Variants in TRAPPC9 observed in about 807,000 individuals in gnomAD.
The protein encoded by TRAPPC9 is trafficking protein particle complex subunit 9, also known as IKK2 binding protein.
A neutral mutation model predicts 124.0 loss-of-function variants in TRAPPC9; 83 were observed. The observed-to-expected ratio is 0.67, with a 90% CI of 0.56 to 0.80. TRAPPC9 has a LOEUF of 0.80. Ranked by LOEUF, TRAPPC9 falls within the 30% of genes least tolerant of loss-of-function variation. The pLI is 0.00. For synonymous variants in TRAPPC9, 638 were observed against 617.5 expected (o/e 1.03, Z -0.49); for missense variants, 1,302 against 1,508.3 (o/e 0.86, Z 2.27).
chr8:139,957,899 C>G (rs1449980027), intron 19 of TRAPPC9, among the ~76,000 whole-genome samples: 3 of 152,244 alleles, frequency 2.0e-5, no homozygotes, highest in African/African-American at 7.2e-5. Context: ...ATCAAACTGA[C>G]GTCGTTTCTG....
chr8:140,264,999 G>A (rs942542431), intron 15 of TRAPPC9, among the ~76,000 whole-genome samples: 18 of 152,202 alleles, frequency 1.2e-4, no homozygotes, highest in African/African-American at 3.4e-4. Flanking sequence ...AATACGAGAC[G>A]CCAAAACCCG....
At chr8:139,857,758 G>C (rs1323490240) in intron 21 of TRAPPC9, among the ~76,000 whole-genome samples, 1 of 152,244 alleles carries the variant, frequency 6.6e-6, no homozygotes, top group Non-Finnish European at 1.5e-5. Context: ...TGGGCTGCCT[G>C]CCAACAGCTG....
At position 140,221,540 on chromosome 8, in the gene TRAPPC9, C is replaced by G. The variant is rs756688439; in HGVS notation, c.2475G>C (p.Arg825=). 1 of 1,614,124 alleles carries G rather than the reference C, an allele frequency of 6.2e-7. No homozygotes were observed. The highest frequency in any genetic ancestry group is 1.1e-5 in the South Asian group (1 of 91,068). Residue 825 remains arginine (R), a synonymous_variant, in exon 17 of 23, where the codon CGG becomes CGC. Transcript: ENST00000438773. The part of the protein sequence containing the change: ...VSGFPLSSPF[R]QVVRPRVEGK... ...CCTCCACTCGGGGCCGAACGACCTGCCGAAAAGGACTGGACAGGGGAAAGC... is the reference window on the plus strand; with the variant it reads ...CCTCCACTCGGGGCCGAACGACCTGGCGAAAAGGACTGGACAGGGGAAAGC...
chr8:140,306,461 C>G (rs2066139185), intron 10 of TRAPPC9, among the ~76,000 whole-genome samples: 3 of 147,948 alleles, frequency 2.0e-5, no homozygotes, highest in South Asian at 4.3e-4. Flanking sequence ...CCACTGCACT[C>G]CAGCCTCAGC....
intron 20 of TRAPPC9, among the ~76,000 whole-genome samples, chr8:139,895,671 A>G (rs1830624152): frequency 6.6e-6 from 1 of 152,248 alleles, no homozygotes; most frequent in Non-Finnish European, 1.5e-5. Flanking sequence ...ACACAGCTGC[A>G]CTTGAGTGTG....
chr8:140,360,283 A>G (rs2067910393), intron 8 of TRAPPC9, 90 bp from the exon 9 acceptor site: 3 of 1,535,372 alleles, frequency 2.0e-6, no homozygotes, highest in African/African-American at 1.4e-5. Flanking sequence ...GGCAATTTGA[A>G]GACAGATGCC....
At chr8:139,956,147 G>C (rs1158083406) in intron 19 of TRAPPC9, among the ~76,000 whole-genome samples, 2 of 152,040 alleles carry the variant, frequency 1.3e-5, no homozygotes, top group Non-Finnish European at 2.9e-5. Flanking sequence ...CCCTACATGG[G>C]ATGTTGTTTC....
rs1808752836 is a variant in TRAPPC9 at position 140,451,389 on chromosome 8, CAG to C, written c.-10-8_-10-7del. ...GGACGCTCATTTTGAAGTCCCTGTT[CAG>C]AGAGAAGAAATGAGGCTGTGAGACA... On this transcript the variant is annotated splice_polypyrimidine_tract_variant and splice_region_variant and intron_variant, in intron 1 of 22. Transcript: ENST00000438773. The C allele has an allele frequency of 6.3e-7, 1 of 1,598,472 alleles. No individual in the cohort carries two copies. The highest frequency in any genetic ancestry group is 1.3e-5 in the African/African-American group (1 of 74,882).
chr8:140,408,820 A>C (rs1032764599), intron 5 of TRAPPC9, among the ~76,000 whole-genome samples: 1 of 143,990 alleles, frequency 6.9e-6, no homozygotes, highest in Non-Finnish European at 1.5e-5. Context: ...AAAAAAAAAA[A>C]TCAAACCCAC....
At chr8:139,850,186 G>A (rs1028959269) in intron 21 of TRAPPC9, among the ~76,000 whole-genome samples, 2 of 152,258 alleles carry the variant, frequency 1.3e-5, no homozygotes, top group Non-Finnish European at 2.9e-5. Flanking sequence ...ATGAGGGACT[G>A]AGAAGAGGCT....
intron 21 of TRAPPC9, among the ~76,000 whole-genome samples, chr8:139,823,012 G>A (rs2130801633): frequency 6.6e-6 from 1 of 152,296 alleles, no homozygotes; most frequent in African/African-American, 2.4e-5. Flanking sequence ...GGTGTGTGCA[G>A]CTCTCTGGCG....
At chr8:139,904,628 T>C (rs957449497) in intron 20 of TRAPPC9, 2 of 152,368 alleles carry the variant, frequency 1.3e-5, no homozygotes, top group African/African-American at 4.8e-5. Context: ...TGGTGAGTTA[T>C]TGAACTTCCA....
intron 8 of TRAPPC9, among the ~76,000 whole-genome samples, chr8:140,365,069 C>T (rs1430283536): frequency 2.0e-5 from 3 of 151,686 alleles, no homozygotes; most frequent in African/African-American, 7.3e-5. Flanking sequence ...CCCATTCACG[C>T]TGGCCTCAGG....
At chr8:140,237,058 G>A (rs2063746745) in intron 16 of TRAPPC9, among the ~76,000 whole-genome samples, 1 of 152,128 alleles carries the variant, frequency 6.6e-6, no homozygotes, top group African/African-American at 2.4e-5. Context: ...ACACACGCAT[G>A]TAGTCCCAGC....
At chr8:140,086,447 G>A (rs1000373992) in intron 17 of TRAPPC9, among the ~76,000 whole-genome samples, 1 of 152,104 alleles carries the variant, frequency 6.6e-6, no homozygotes, top group Non-Finnish European at 1.5e-5. Flanking sequence ...TCTGTGATGA[G>A]GGCAGCAGCC....
At chr8:139,759,955 G>A (rs1200125934) in intron 21 of TRAPPC9, among the ~76,000 whole-genome samples, 1 of 152,220 alleles carries the variant, frequency 6.6e-6, no homozygotes, top group Non-Finnish European at 1.5e-5. Context: ...GGGGCTGGAT[G>A]GACTCAACTC....
intron 19 of TRAPPC9, among the ~76,000 whole-genome samples, chr8:139,926,603 A>T (rs1173120997): frequency 6.2e-5 from 7 of 112,954 alleles, no homozygotes. Flanking sequence ...ACAATGAATT[A>T]AAATAAAAAA....
rs116704493 is a variant in TRAPPC9, at chr8:140,028,644, C to A, written c.2557-4565G>T. On this transcript the variant is annotated intron_variant, in intron 17 of 22. Transcript: ENST00000438773. ...CCCATGCAATCATTCACTCACTAAC[C>A]CTGTCTACTATGTCCCAGGGACTGT... is the stretch of plus-strand genomic sequence containing the variant. 4.8e-3 allele frequency among the ~76,000 whole-genome samples: 735 copies of A among 152,348 alleles called. 6 individuals are homozygous for A. The highest frequency in any genetic ancestry group is 0.017 in the African/African-American group (692 of 41,584).
At chr8:140,359,471 C>T (rs769570890) in intron 9 of TRAPPC9, among the ~76,000 whole-genome samples, 12 of 152,186 alleles carry the variant, frequency 7.9e-5, no homozygotes, top group African/African-American at 1.2e-4. Flanking sequence ...GGGAGAAAGG[C>T]AACCTTGAAA....
Sources: gnomAD v4.1 joint callset for allele counts (sites outside exome capture counted in the v4.1 genomes callset) on GRCh38, gnomAD v4.1.1 for gene constraint, MANE v1.5 for transcripts, NCBI Gene and HGNC (gene_info 2026-07-23, HGNC 2026-07-21) for gene names.